Variants in DGKD observed in about 807,000 individuals in gnomAD.
DGKD encodes the protein diacylglycerol kinase delta.
In DGKD, 68 loss-of-function variants were observed where a neutral mutation model predicts 154.4. The ratio of observed to expected loss-of-function variants is 0.44; its 90% CI spans 0.36 to 0.54. The LOEUF (loss-of-function observed/expected upper bound fraction) is 0.54. DGKD is among the 20% of genes least tolerant of loss of function. The pLI, the probability that DGKD is intolerant of heterozygous loss-of-function variation, is 0.00. For missense variants in DGKD, 1,343 were observed against 1,593.6 expected (o/e 0.84, Z 2.68); for synonymous variants, 693 against 638.0 (o/e 1.09, Z -1.30).
At chr2:233,390,027 C>T (rs1012918233) in intron 2 of DGKD, among the ~76,000 whole-genome samples, 1 of 152,236 alleles carries the variant, frequency 6.6e-6, no homozygotes. Flanking sequence ...GGCCTTCCCT[C>T]AGCTAAAACA....
At chr2:233,436,540 A>G (rs1044652902) in intron 7 of DGKD, 99 bp downstream of exon 7, 9 of 1,472,386 alleles carry the variant, frequency 6.1e-6, no homozygotes, top group Non-Finnish European at 8.1e-6. Flanking sequence ...GATCCTGGTA[A>G]ATTAATCCCA....
chr2:233,453,517 A>G lies in DGKD; in HGVS notation c.2265-1246A>G, dbSNP rs373233763. On this transcript the variant is annotated intron_variant, in intron 18 of 29. Transcript: ENST00000264057. ...CACTTGAATTAGATGGATCATAAAT[A>G]CACTGACACATGCTGGTTGTTCTCA... 2.6e-5 allele frequency among the ~76,000 whole-genome samples: 4 copies of G among 152,356 alleles called. No individual in the cohort carries two copies. In the East Asian group the frequency reaches 5.8e-4, roughly 22 times the overall value.
intron 1 of DGKD, among the ~76,000 whole-genome samples, chr2:233,375,329 T>C (rs570860330): frequency 6.6e-6 from 1 of 150,868 alleles, no homozygotes; most frequent in Admixed American, 6.6e-5. Flanking sequence ...AGAAAACAGA[T>C]GGGAAGGATG....
intron 1 of DGKD, among the ~76,000 whole-genome samples, chr2:233,364,834 T>C (rs1286594590): frequency 1.3e-5 from 2 of 152,200 alleles, no homozygotes; most frequent in African/African-American, 4.8e-5. Flanking sequence ...GATTGTGAGA[T>C]GGGATACAAA....
intron 1 of DGKD, among the ~76,000 whole-genome samples, chr2:233,380,402 T>C (rs969324675): frequency 6.6e-6 from 1 of 152,186 alleles, no homozygotes; most frequent in Non-Finnish European, 1.5e-5. Context: ...GTTGATGTCA[T>C]CAGGACCCAC....
At chr2:233,407,461 G>C (rs555737257) in intron 3 of DGKD, among the ~76,000 whole-genome samples, 5 of 152,338 alleles carry the variant, frequency 3.3e-5, no homozygotes, top group African/African-American at 9.6e-5. Flanking sequence ...ATGGATCAGA[G>C]TATTGCGTTT....
Position 233,399,624 on chromosome 2 carries a change from G to A in DGKD, c.348+9141G>A, listed in dbSNP as rs546379262. Among the ~76,000 whole-genome samples the A allele has an allele frequency of 2.6e-5, 4 of 152,336 alleles. No homozygotes were observed. The East Asian group carries it at 7.7e-4, about 29-fold the overall frequency. On this transcript the variant is annotated intron_variant, in intron 3 of 29. Coordinates refer to ENST00000264057, the MANE Select transcript of DGKD (RefSeq NM_152879.3). ...CGCTGGGTGAGCAGCCTCTGAGGCAGGAAGTGCTTTCCAGGCTGGGGTGGG... is the reference window on the plus strand; with the variant it reads ...CGCTGGGTGAGCAGCCTCTGAGGCAAGAAGTGCTTTCCAGGCTGGGGTGGG...
Position 233,437,559 on chromosome 2 carries a change from G to C in DGKD, c.922+80G>C, listed in dbSNP as rs2062741942. On this transcript the variant is annotated intron_variant, in intron 8 of 29. Transcript: ENST00000264057. ...ACGCACTTTCTCTTCTCCAGCTCTG[G>C]AGTTGGTTATCTTGGTGAGATGTCA... is the stretch of plus-strand genomic sequence containing the variant. 46 of 1,393,674 alleles carry C rather than the reference G, an allele frequency of 3.3e-5. 3 individuals carry two copies. In the South Asian group the frequency reaches 3.8e-4, roughly 11 times the overall value. 86.3% of individuals were successfully genotyped at this position (1,393,674 alleles called of 1,614,324 possible). A position where few individuals can be genotyped will look rare whatever the true frequency, so the allele number is the denominator to read the frequency against.
At position 233,434,409 on chromosome 2, in the gene DGKD, G is replaced by A. The variant is rs756153562; in HGVS notation, c.378G>A (p.Leu126=). 2 of 1,614,048 alleles carry A rather than the reference G, an allele frequency of 1.2e-6. No individual in the cohort carries two copies. Among genetic ancestry groups the A allele is most frequent in the African/African-American group, 2.7e-5 (2 of 74,920 alleles). ...TAACTCCATGCAGGAAGCTCATCTT[G>A]TGTGCTGATAACAGAAAAGAAATGG... is the stretch of plus-strand genomic sequence containing the variant. ...TVITPCRKLI[L]CADNRKEMED... Residue 126 remains leucine (L), a synonymous_variant, in exon 4 of 30, where the codon TTG becomes TTA. Transcript: ENST00000264057.
Position 233,469,582 on chromosome 2 carries a change from C to A in DGKD, c.*122C>A, listed in dbSNP as rs2063944206. The A allele has an allele frequency of 1.3e-6, 1 of 794,518 alleles. No homozygotes were observed. The highest frequency in any genetic ancestry group is 2.3e-5 in the Admixed American group (1 of 42,860). 49.2% of individuals were successfully genotyped at this position (794,518 alleles called of 1,614,324 possible). ...CCCTGGGCAGATGCTGCAGCCCGCC[C>A]CCTTCTCATGGTGCTACTTCCTCTG... On this transcript the variant is annotated 3_prime_UTR_variant, in exon 30 of 30. Transcript: ENST00000264057.
At chr2:233,466,589 G>A (rs2063830237) in intron 27 of DGKD, among the ~76,000 whole-genome samples, 1 of 152,084 alleles carries the variant, frequency 6.6e-6, no homozygotes, top group South Asian at 2.1e-4. Flanking sequence ...AAGAGCAGAG[G>A]CCGAGCCTCT....
intron 3 of DGKD, among the ~76,000 whole-genome samples, chr2:233,428,789 A>T (rs1004481419): frequency 6.6e-6 from 1 of 152,082 alleles, no homozygotes; most frequent in African/African-American, 2.4e-5. Flanking sequence ...CCATTTCGCA[A>T]ATTTATCAGT....
At chr2:233,363,879 T>A (rs1401782084) in intron 1 of DGKD, among the ~76,000 whole-genome samples, 1 of 152,236 alleles carries the variant, frequency 6.6e-6, no homozygotes, top group Non-Finnish European at 1.5e-5. Flanking sequence ...GTGTGCCATC[T>A]AGATTTGTGA....
At chr2:233,446,389 T>C (rs1424271120) in intron 11 of DGKD, among the ~76,000 whole-genome samples, 1 of 152,206 alleles carries the variant, frequency 6.6e-6, no homozygotes, top group Non-Finnish European at 1.5e-5. Flanking sequence ...TGTGAAATGC[T>C]CATCTCACTG....
At chr2:233,381,423 C>T (rs911794565) in intron 1 of DGKD, among the ~76,000 whole-genome samples, 1 of 152,220 alleles carries the variant, frequency 6.6e-6, no homozygotes, top group Non-Finnish European at 1.5e-5. Context: ...ATTTTGCCAA[C>T]AAGTATTATT....
At chr2:233,456,071 C>A (rs1018256885) in intron 19 of DGKD, among the ~76,000 whole-genome samples, 1 of 152,156 alleles carries the variant, frequency 6.6e-6, no homozygotes, top group African/African-American at 2.4e-5. Flanking sequence ...GCTTTGGAAC[C>A]CTGGTCAAAC....
chr2:233,468,500 C>T lies in DGKD; in HGVS notation c.3502C>T (p.Arg1168Trp), dbSNP rs757444344. The change falls in exon 29 of 30, where the codon CGG becomes TGG. Residue 1168 changes from arginine to tryptophan, a missense_variant. Arg to Trp is a moderately radical substitution (Grantham distance 101). This residue lies in a region of DGKD where 429 missense variants were observed against 496.3 expected (regional missense o/e 0.86). Transcript: ENST00000264057. ...CTGTGAGTATAAGGACATCTTCACA[C>T]GGCACGACATCCGGGGCTCTGAGCT... ...SLCEYKDIFT[R>W]HDIRGSELLH... The T allele has an allele frequency of 2.5e-6, 4 of 1,613,734 alleles. No individual in the cohort carries two copies. Among genetic ancestry groups the T allele is most frequent in the Non-Finnish European group, 3.4e-6 (4 of 1,179,936 alleles).
chr2:233,420,347 A>G (rs906166333), intron 3 of DGKD, among the ~76,000 whole-genome samples: 16 of 152,218 alleles, frequency 1.1e-4, no homozygotes, highest in Non-Finnish European at 1.3e-4. Context: ...TTGTGCCAAA[A>G]CATTTAAAAC....
In DGKD at chr2:233,459,795, C is replaced by A; in HGVS notation, c.2733C>A (p.Gly911=). Residue 911 remains glycine, a synonymous_variant, in exon 23 of 30, where the codon GGC becomes GGA. Coordinates refer to ENST00000264057, the MANE Select transcript of DGKD (RefSeq NM_152879.3). The surrounding 1 kb of genome is among the most constrained non-coding windows in gnomAD (Gnocchi z 5.7). ...AGATCTCCATCCTTGGGGATGAGGG[C>A]GTGCCTGTGCAGGTGGACGGAGAGG... ...TVKISILGDE[G]VPVQVDGEAW... 1 of 1,613,866 alleles carries A rather than the reference C, an allele frequency of 6.2e-7. No individual in the cohort carries two copies. The highest frequency in any genetic ancestry group is 8.5e-7 in the Non-Finnish European group (1 of 1,179,938).
Sources: gnomAD v4.1 joint callset for allele counts (sites outside exome capture counted in the v4.1 genomes callset) on GRCh38, gnomAD v4.1.1 for gene constraint, gnomAD v4.1.1 regional missense constraint, Gnocchi (gnomAD v3.1) non-coding constraint, MANE v1.5 for transcripts, NCBI Gene and HGNC (gene_info 2026-07-23, HGNC 2026-07-21) for gene names.